The following EPM2A variants were observed in gnomAD, a reference collection of about 807,000 sequenced individuals.
EPM2A encodes EPM2A glucan phosphatase, laforin.
EPM2A carries 21 observed loss-of-function variants against 26.5 expected under a neutral mutation model. That is an observed-to-expected ratio of 0.79 (90% CI 0.56 to 1.14). EPM2A has a LOEUF of 1.14. EPM2A is among the 50% of genes most tolerant of loss of function. EPM2A has a pLI of 0.00. For missense variants in EPM2A, 458 were observed against 440.8 expected (o/e 1.04, Z -0.35); for synonymous variants, 217 against 177.6 (o/e 1.22, Z -1.76).
chr6:145,558,275 TG>T (rs1780757316), intron 2 of EPM2A, among the ~76,000 whole-genome samples: 1 of 152,094 alleles, frequency 6.6e-6, no homozygotes, highest in Non-Finnish European at 1.5e-5. Flanking sequence ...TCTAGCTTCA[TG>T]GAACTGTGAG....
At chr6:145,603,819 G>T (rs569628812) in intron 2 of EPM2A, among the ~76,000 whole-genome samples, 1 of 152,238 alleles carries the variant, frequency 6.6e-6, no homozygotes, top group South Asian at 2.1e-4. Flanking sequence ...CTGGAAATTA[G>T]TATCTCTGCC....
chr6:145,711,258 A>G (rs1775303124), intron 1 of EPM2A, among the ~76,000 whole-genome samples: 1 of 152,186 alleles, frequency 6.6e-6, no homozygotes, highest in Admixed American at 6.5e-5. Context: ...CAGAACTATT[A>G]AATTAAAATT....
intron 4 of EPM2A, among the ~76,000 whole-genome samples, chr6:145,463,778 C>T (rs1779354428): frequency 6.6e-6 from 1 of 152,128 alleles, no homozygotes; most frequent in Non-Finnish European, 1.5e-5. Context: ...GAGGTAGAAT[C>T]ACTGGCACTA....
chr6:145,733,628 TA>T (rs561274604), intron 1 of EPM2A, among the ~76,000 whole-genome samples: 11 of 152,118 alleles, frequency 7.2e-5, no homozygotes, highest in Non-Finnish European at 1.5e-4. Flanking sequence ...GATATTATTT[TA>T]AAAAATAATT....
At chr6:145,719,718 A>G (rs1471329487) in intron 1 of EPM2A, among the ~76,000 whole-genome samples, 1 of 152,200 alleles carries the variant, frequency 6.6e-6, no homozygotes, top group Non-Finnish European at 1.5e-5. Flanking sequence ...TCAACTAAAA[A>G]TATCTCTTAA....
intron 1 of EPM2A, chr6:145,705,859 G>C (rs1399395801): frequency 6.6e-6 from 3 of 456,352 alleles, no homozygotes; most frequent in African/African-American, 6.0e-5. Flanking sequence ...CATGGATACT[G>C]GTAAACAGTA....
chr6:145,564,340 G>C lies in EPM2A; in HGVS notation c.341-61765C>G, dbSNP rs1780850683. Among the ~76,000 whole-genome samples the C allele has an allele frequency of 2.6e-5, 4 of 152,242 alleles. No individual in the cohort carries two copies. In the South Asian group the frequency reaches 6.2e-4, roughly 24 times the overall value. On this transcript the variant is annotated intron_variant, in intron 2 of 3. Transcript: ENST00000450221. ...TATGTACATTAAAAGAAAAATTGCA[G>C]ACAAAATAAAATTAACAGAGTTTAT...
chr6:145,527,228 C>T (rs1582825612), intron 2 of EPM2A, among the ~76,000 whole-genome samples: 1 of 151,930 alleles, frequency 6.6e-6, no homozygotes, highest in Admixed American at 6.6e-5. Flanking sequence ...TCTTAGAGTA[C>T]GTTCCATGTG....
At chr6:145,630,777 C>G (rs1331667220) in intron 3 of EPM2A, 1 of 152,272 alleles carries the variant, frequency 6.6e-6, no homozygotes, top group Non-Finnish European at 1.5e-5. Flanking sequence ...TCCCAGCACT[C>G]TCGTAAGCAT....
intron 2 of EPM2A, among the ~76,000 whole-genome samples, chr6:145,603,946 G>A (rs888716589): frequency 6.6e-6 from 1 of 152,062 alleles, no homozygotes; most frequent in South Asian, 2.1e-4. Context: ...AAAGTTATAC[G>A]ATTCTAAATA....
At chr6:145,657,801 T>G (rs544281192) in intron 2 of EPM2A, among the ~76,000 whole-genome samples, 223 of 152,328 alleles carry the variant, frequency 1.5e-3, no homozygotes, top group African/African-American at 4.8e-3. Context: ...AATCAAAAAA[T>G]TATCATTTCA....
intron 2 of EPM2A, among the ~76,000 whole-genome samples, chr6:145,506,975 C>T (rs1292656104): frequency 6.6e-6 from 1 of 152,158 alleles, no homozygotes; most frequent in Non-Finnish European, 1.5e-5. Flanking sequence ...CAACAGGTGC[C>T]TGGTATATGA....
At chr6:145,709,170 G>A (rs1403523093) in intron 1 of EPM2A, among the ~76,000 whole-genome samples, 2 of 152,178 alleles carry the variant, frequency 1.3e-5, no homozygotes, top group Non-Finnish European at 2.9e-5. Context: ...ACTTTGGACT[G>A]TGGACTTTTG....
At chr6:145,671,321 A>C in intron 2 of EPM2A, 1 of 1,016,106 alleles carries the variant, frequency 9.8e-7, no homozygotes, top group Non-Finnish European at 1.2e-6. Flanking sequence ...CTTGAGTTGA[A>C]TGTACGTCTT....
At chr6:145,405,952 TAGA>T (rs1190519796) in intron 4 of EPM2A, among the ~76,000 whole-genome samples, 3 of 150,040 alleles carry the variant, frequency 2.0e-5, no homozygotes, top group Non-Finnish European at 3.0e-5. Flanking sequence ...GAAAATCTCT[TAGA>T]AGAACTATTT....
intron 2 of EPM2A, among the ~76,000 whole-genome samples, chr6:145,644,609 AAC>A (rs1777324849): frequency 6.6e-6 from 1 of 152,162 alleles, no homozygotes; most frequent in Admixed American, 6.5e-5. Flanking sequence ...AAGACAAAGA[AAC>A]ACTTCCTCTT....
intron 4 of EPM2A, among the ~76,000 whole-genome samples, chr6:145,437,766 T>G (rs1779007958): frequency 6.6e-6 from 1 of 152,206 alleles, no homozygotes; most frequent in African/African-American, 2.4e-5. Context: ...CCACAGCAAT[T>G]GCATGGTTGC....
intron 4 of EPM2A, among the ~76,000 whole-genome samples, chr6:145,441,378 G>C (rs989835742): frequency 6.6e-6 from 1 of 152,160 alleles, no homozygotes; most frequent in East Asian, 1.9e-4. Flanking sequence ...TGATGGCAGG[G>C]ACTGCTGAGA....
chr6:145,553,087 G>A lies in EPM2A; in HGVS notation c.341-50512C>T, dbSNP rs140541943. ...GTAATTGAATCATGAGGGCAGTTTCGCCATGCTGTTATCATGATAATGAGT... is the reference window on the plus strand; with the variant it reads ...GTAATTGAATCATGAGGGCAGTTTCACCATGCTGTTATCATGATAATGAGT... On this transcript the variant is annotated intron_variant, in intron 2 of 3. Coordinates refer to the EPM2A transcript ENST00000450221. Among the ~76,000 whole-genome samples, 95 of 152,074 alleles carry A rather than the reference G, an allele frequency of 6.2e-4. 1 individual carries two copies. In the East Asian group the frequency reaches 0.013, roughly 20 times the overall value.
Sources: gnomAD v4.1 joint callset for allele counts (sites outside exome capture counted in the v4.1 genomes callset) on GRCh38, gnomAD v4.1.1 for gene constraint, MANE v1.5 for transcripts, NCBI Gene and HGNC (gene_info 2026-07-23, HGNC 2026-07-21) for gene names.